Variants in RFTN2 observed in about 807,000 individuals in gnomAD.
RFTN2 encodes the protein raftlin family member 2, also known as raftlin-2.
In RFTN2, 34 loss-of-function variants were observed where a neutral mutation model predicts 52.7. The observed-to-expected ratio is 0.64, with a 90% CI of 0.49 to 0.86. The LOEUF (loss-of-function observed/expected upper bound fraction) is 0.86. RFTN2 is among the 40% of genes least tolerant of loss of function. RFTN2 has a pLI of 0.00. For synonymous variants in RFTN2, 203 were observed against 217.7 expected, an observed-to-expected ratio of 0.93 and a Z score of 0.59; for missense variants, 536 against 600.1, an observed-to-expected ratio of 0.89 and a Z score of 1.12.
At chr2:197,603,654 G>A (rs989112925) in intron 7 of RFTN2, among the ~76,000 whole-genome samples, 2 of 152,082 alleles carry the variant, frequency 1.3e-5, no homozygotes, top group Admixed American at 6.5e-5. Flanking sequence ...GGTGGCTCAC[G>A]CCTGTAATCC....
chr2:197,668,849 C>G (rs1002241033), intron 1 of RFTN2, among the ~76,000 whole-genome samples: 2 of 152,172 alleles, frequency 1.3e-5, no homozygotes, highest in Admixed American at 6.5e-5. Context: ...CTGTTAGTTT[C>G]AGGGCCCTCA....
At chr2:197,592,724 A>T (rs2087737861) in intron 8 of RFTN2, among the ~76,000 whole-genome samples, 1 of 152,238 alleles carries the variant, frequency 6.6e-6, no homozygotes, top group Non-Finnish European at 1.5e-5. Flanking sequence ...CAGGGTATTA[A>T]CAAAGAACAG....
chr2:197,634,902 A>G (rs1280901283), intron 3 of RFTN2, among the ~76,000 whole-genome samples: 131 of 81,014 alleles, frequency 1.6e-3, no homozygotes, highest in African/African-American at 5.7e-3. Flanking sequence ...CCACCCCACA[A>G]CAGTCCCCAG....
rs2087298716 is a variant in RFTN2 at position 197,570,519 on chromosome 2, G to A, written c.*1489C>T. 1 of 152,264 alleles carries A rather than the reference G, an allele frequency of 6.6e-6. No homozygotes were observed. Among genetic ancestry groups the A allele is most frequent in the African/African-American group, 2.4e-5 (1 of 41,474 alleles). The allele number at this position is 152,264 out of a possible 1,614,324, so 9.4% of individuals were successfully genotyped here. ...CAAGGCAGGCAGATCATGAGGTCAA[G>A]AGATCGAGACCATCCTGGCCAACAT... On this transcript the variant is annotated 3_prime_UTR_variant, in exon 9 of 9. Coordinates refer to ENST00000295049, the MANE Select transcript of RFTN2 (RefSeq NM_144629.3).
chr2:197,614,078 TTAGTTAC>T (rs944823895), intron 7 of RFTN2, among the ~76,000 whole-genome samples: 2 of 152,170 alleles, frequency 1.3e-5, no homozygotes, highest in African/African-American at 4.8e-5. Flanking sequence ...TAGCCCTTGA[TTAGTTAC>T]TGTATTATAT....
intron 3 of RFTN2, among the ~76,000 whole-genome samples, chr2:197,639,130 C>T (rs1365962932): frequency 6.9e-6 from 1 of 144,144 alleles, no homozygotes; most frequent in Non-Finnish European, 1.5e-5. Flanking sequence ...GATGGGCTTC[C>T]CTTTGAGGGT....
rs768585658 is a variant in RFTN2 at position 197,568,556 on chromosome 2, T to A, written c.*3452A>T. On this transcript the variant is annotated 3_prime_UTR_variant, in exon 9 of 9. Transcript: ENST00000295049. ...ATGTTACAAGTTCTGATGAGTAACA[T>A]TTAGCTAGTTTTTCTATGTATCCAC... 1.3e-4 allele frequency: 20 copies of A among 152,208 alleles called. No individual in the cohort carries two copies. Among genetic ancestry groups the A allele is most frequent in the Non-Finnish European group, 2.8e-4 (19 of 68,028 alleles). 9.4% of individuals were successfully genotyped at this position (152,208 alleles called of 1,614,324 possible). A position where few individuals can be genotyped will look rare whatever the true frequency, so the allele number is the denominator to read the frequency against.
rs1030777915 is a variant in RFTN2 at position 197,569,451 on chromosome 2, C to T, written c.*2557G>A. On this transcript the variant is annotated 3_prime_UTR_variant, in exon 9 of 9. Transcript: ENST00000295049. ...TAGAACCACTTGATCATAAATTATT[C>T]GCTATCATACAAATTCATCACATAA... The T allele has an allele frequency of 3.9e-5, 6 of 152,202 alleles. No individual in the cohort carries two copies. Among genetic ancestry groups the T allele is most frequent in the East Asian group, 1.9e-4 (1 of 5,182 alleles). The allele number at this position is 152,202 out of a possible 1,614,324, so 9.4% of individuals were successfully genotyped here. A position where few individuals can be genotyped will look rare whatever the true frequency, so the allele number is the denominator to read the frequency against.
chr2:197,646,534 T>G lies in RFTN2; in HGVS notation c.272A>C (p.His91Pro). 1 of 1,614,112 alleles carries G rather than the reference T, an allele frequency of 6.2e-7. No homozygotes were observed. The highest frequency in any genetic ancestry group is 8.5e-7 in the Non-Finnish European group (1 of 1,179,990). Residue 91 changes from histidine to proline, a missense_variant, in exon 2 of 9, where the codon CAC becomes CCC. Transcript: ENST00000295049. ...PVIQPVGQRK[H>P]LPASYLYRVV... is the part of the protein sequence containing the mutation. ...TCTGTATAGGTAACTTGCAGGTAGG[T>G]GTTTTCGCTGCCCCACAGGTTGTAT...
At chr2:197,625,612 C>T (rs1258460344) in intron 5 of RFTN2, among the ~76,000 whole-genome samples, 2 of 151,886 alleles carry the variant, frequency 1.3e-5, no homozygotes, top group East Asian at 3.9e-4. Context: ...CACCACACTT[C>T]CACTCTTGCC....
Position 197,570,805 on chromosome 2 carries a change from A to G in RFTN2, c.*1203T>C, listed in dbSNP as rs1019530712. 6.6e-6 allele frequency: 1 copy of G among 152,272 alleles called. No homozygotes were observed. The highest frequency in any genetic ancestry group is 2.4e-5 in the African/African-American group (1 of 41,482). 9.4% of individuals were successfully genotyped at this position (152,272 alleles called of 1,614,324 possible). ...TGTTCAATAAAACAATAACACAATA[A>G]AAATGATGTTTTATTATTAAAATGA... On this transcript the variant is annotated 3_prime_UTR_variant, in exon 9 of 9. Transcript: ENST00000295049.
intron 3 of RFTN2, among the ~76,000 whole-genome samples, chr2:197,635,770 T>C (rs1250790251): frequency 6.8e-6 from 1 of 146,800 alleles, no homozygotes; most frequent in African/African-American, 2.5e-5. Context: ...TTTTGTCTTT[T>C]GTTGCCATTG....
At position 197,641,378 on chromosome 2, in the gene RFTN2, A is replaced by G. The variant is rs188490398; in HGVS notation, c.438+2780T>C. On this transcript the variant is annotated intron_variant, in intron 3 of 8. Transcript: ENST00000295049. Reference sequence around the variant, plus strand: ...ATTGTAACCATTTAAAACAACCACAAATTTTCCTTTATATCAGTTGTCCTG... The same window carrying G: ...ATTGTAACCATTTAAAACAACCACAGATTTTCCTTTATATCAGTTGTCCTG... 5.3e-3 allele frequency among the ~76,000 whole-genome samples: 810 copies of G among 152,250 alleles called. 8 individuals are homozygous for G. Among genetic ancestry groups the G allele is most frequent in the Non-Finnish European group, 6.9e-3 (467 of 68,030 alleles).
intron 5 of RFTN2, among the ~76,000 whole-genome samples, chr2:197,629,796 C>T (rs2088435461): frequency 6.6e-6 from 1 of 151,396 alleles, no homozygotes; most frequent in African/African-American, 2.4e-5. Flanking sequence ...AATCATGGCT[C>T]ACTGCAGCCT....
intron 8 of RFTN2, among the ~76,000 whole-genome samples, chr2:197,575,794 A>ATATATATTTTATATACATAATATATTC: frequency 7.6e-6 from 1 of 131,212 alleles, no homozygotes; most frequent in Non-Finnish European, 1.6e-5. Context: ...ATAATATATT[A>ATATATATTTTATATACATAATATATTC]TATATATTTT....
intron 8 of RFTN2, among the ~76,000 whole-genome samples, chr2:197,588,236 G>A (rs898090543): frequency 3.3e-5 from 5 of 152,120 alleles, no homozygotes; most frequent in Non-Finnish European, 7.3e-5. Flanking sequence ...ATATATGTTT[G>A]CATGCACACA....
At chr2:197,651,771 T>C (rs758287166) in intron 1 of RFTN2, among the ~76,000 whole-genome samples, 1 of 152,210 alleles carries the variant, frequency 6.6e-6, no homozygotes, top group Non-Finnish European at 1.5e-5. Flanking sequence ...ATCTATTTTT[T>C]GGTTAAAAAG....
intron 1 of RFTN2, among the ~76,000 whole-genome samples, chr2:197,647,946 TACA>T (rs2088776230): frequency 1.3e-5 from 2 of 152,270 alleles, no homozygotes; most frequent in South Asian, 2.1e-4. Flanking sequence ...CTTTATTTGC[TACA>T]ACAATATTTC....
At chr2:197,583,783 C>G (rs1210258194) in intron 8 of RFTN2, among the ~76,000 whole-genome samples, 1 of 152,076 alleles carries the variant, frequency 6.6e-6, no homozygotes, top group South Asian at 2.1e-4. Flanking sequence ...CCCCACTCCC[C>G]CACCCCACGA....
Sources: allele counts gnomAD v4.1 joint callset (sites outside exome capture counted in the v4.1 genomes callset), GRCh38; gene constraint gnomAD v4.1.1; transcripts MANE v1.5; gene names NCBI Gene and HGNC (gene_info 2026-07-23, HGNC 2026-07-21).